UGGT2: variants seen among roughly 807,000 people sequenced by gnomAD.
UGGT2 encodes UDP-glucose:glycoprotein glucosyltransferase 2.
A neutral mutation model predicts 192.1 loss-of-function variants in UGGT2; 180 were observed. That is an observed-to-expected ratio of 0.94 (90% CI 0.83 to 1.06). The LOEUF (loss-of-function observed/expected upper bound fraction) is 1.06, where lower values mean the gene tolerates loss of function less well. UGGT2 is among the 50% of genes least tolerant of loss of function. The pLI, the probability that UGGT2 is intolerant of heterozygous loss-of-function variation, is 0.00. For missense variants in UGGT2, 1,849 were observed against 1,795.7 expected, an observed-to-expected ratio of 1.03 and a Z score of -0.54; for synonymous variants, 580 against 591.0, an observed-to-expected ratio of 0.98 and a Z score of 0.27.
At chr13:95,850,594 C>A (rs187815112) in intron 36 of UGGT2, among the ~76,000 whole-genome samples, 22 of 152,304 alleles carry the variant, frequency 1.4e-4, no homozygotes, top group Admixed American at 9.2e-4. Flanking sequence ...AGACTGTGTA[C>A]GGGCCCAACA....
rs148389354 is a variant in UGGT2 at position 95,909,747 on chromosome 13, T to TATAATAATA, written c.2296-6696_2296-6688dup. Among the ~76,000 whole-genome samples, 516 of 109,324 alleles carry TATAATAATA rather than the reference T, an allele frequency of 4.7e-3. 1 individual carries two copies. The highest frequency in any genetic ancestry group is 7.9e-3 in the African/African-American group (216 of 27,254). The allele number at this position is 109,324 out of a possible 152,430, so 71.7% of individuals were successfully genotyped here. ...TGCACATGTACCCTAAAACTTGAAG[T>TATAATAATA]ATAATAATAATAATAATAATAATAA... is the stretch of plus-strand genomic sequence containing the variant. On this transcript the variant is annotated intron_variant, in intron 20 of 38. Transcript: ENST00000376747.
At chr13:96,042,121 T>G (rs1480184491) in intron 1 of UGGT2, among the ~76,000 whole-genome samples, 1 of 152,082 alleles carries the variant, frequency 6.6e-6, no homozygotes, top group Non-Finnish European at 1.5e-5. Flanking sequence ...AGAGTCCATT[T>G]CACCCCCCTG....
At chr13:95,985,491 T>C (rs2051262002) in intron 9 of UGGT2, among the ~76,000 whole-genome samples, 1 of 152,154 alleles carries the variant, frequency 6.6e-6, no homozygotes. Flanking sequence ...ATGTACAAAA[T>C]AGTGTTTGGG....
chr13:95,972,764 G>T, intron 10 of UGGT2, 93 bp from the exon 11 acceptor site: 2 of 962,658 alleles, frequency 2.1e-6, no homozygotes, highest in Non-Finnish European at 3.1e-6. Flanking sequence ...GAGTCAGAGA[G>T]TAAATATTTT....
At chr13:95,989,457 C>A in intron 8 of UGGT2, 1 of 230,200 alleles carries the variant, frequency 4.3e-6, no homozygotes, top group East Asian at 1.3e-4. Flanking sequence ...AAAGTTCAAA[C>A]CAAATCAAAT....
intron 21 of UGGT2, among the ~76,000 whole-genome samples, chr13:95,902,583 C>T (rs1289709761): frequency 6.6e-6 from 1 of 151,938 alleles, no homozygotes; most frequent in Non-Finnish European, 1.5e-5. Flanking sequence ...CTTTAACCCC[C>T]AATTCTTCAC....
In UGGT2 at chr13:96,012,812, A is replaced by G. The variant is rs896899254; in HGVS notation, c.660+495T>C. ...TAAATAAACTTGAGGAGATACAGTA[A>G]TAAGTGCTATGAAATCATTAAAACA... is the stretch of plus-strand genomic sequence containing the variant. On this transcript the variant is annotated intron_variant, in intron 5 of 38. Transcript: ENST00000376747. Among the ~76,000 whole-genome samples the G allele has an allele frequency of 2.6e-5, 4 of 151,992 alleles. No homozygotes were observed. The South Asian group carries it at 6.2e-4, about 24-fold the overall frequency.
intron 36 of UGGT2, among the ~76,000 whole-genome samples, chr13:95,843,295 C>A (rs1455405638): frequency 1.3e-5 from 2 of 152,154 alleles, no homozygotes; most frequent in African/African-American, 4.8e-5. Context: ...TATGGTCAGT[C>A]TTTTTAATGT....
At chr13:95,931,752 C>T (rs1263534104) in intron 17 of UGGT2, among the ~76,000 whole-genome samples, 5 of 152,258 alleles carry the variant, frequency 3.3e-5, no homozygotes, top group Admixed American at 6.5e-5. Flanking sequence ...GCTGAGCCCA[C>T]GCCCACCCGG....
chr13:95,837,199 G>T lies in UGGT2; in HGVS notation c.4288C>A (p.Leu1430Ile). 1 of 1,606,130 alleles carries T rather than the reference G, an allele frequency of 6.2e-7. No homozygotes were observed. Among genetic ancestry groups the T allele is most frequent in the South Asian group, 1.1e-5 (1 of 90,890 alleles). ...PNSLSNLDQDLPNNMIYQVAI... is the reference protein window; with the variant it reads ...PNSLSNLDQDIPNNMIYQVAI... ...ACTTGGTAAATCATATTATTGGGGA[G>T]ATCCTACAGAAAATTGTGATTTAAT... The change falls in exon 37 of 39, where the codon CTC becomes ATC. Residue 1430 changes from leucine (L) to isoleucine (I), a missense_variant. Leu to Ile is a conservative substitution (Grantham distance 5, BLOSUM62 2). Transcript: ENST00000376747.
chr13:95,983,745 A>C (rs2051201962), intron 10 of UGGT2, 59 bp downstream of exon 10: 2 of 1,267,294 alleles, frequency 1.6e-6, no homozygotes, highest in Non-Finnish European at 2.2e-6. Flanking sequence ...TTGAAGATCC[A>C]AAGTCAGAAA....
At chr13:95,975,922 G>A (rs1246045056) in intron 10 of UGGT2, among the ~76,000 whole-genome samples, 2 of 152,048 alleles carry the variant, frequency 1.3e-5, no homozygotes, top group Non-Finnish European at 2.9e-5. Context: ...CAGGGTAATT[G>A]GGATATCCAT....
intron 24 of UGGT2, among the ~76,000 whole-genome samples, chr13:95,893,806 G>C (rs2047871174): frequency 6.6e-6 from 1 of 152,142 alleles, no homozygotes; most frequent in Admixed American, 6.5e-5. Flanking sequence ...CACTCTCATA[G>C]AGAATATGGG....
At position 95,927,439 on chromosome 13, in the gene UGGT2, C is replaced by T. The variant is rs1490733321; in HGVS notation, c.1978-103G>A. The T allele has an allele frequency of 6.5e-6, 6 of 922,156 alleles. No individual in the cohort carries two copies. The South Asian group carries it at 1.2e-4, about 19-fold the overall frequency. The allele number at this position is 922,156 out of a possible 1,614,324, so 57.1% of individuals were successfully genotyped here. On this transcript the variant is annotated intron_variant, in intron 17 of 38. Coordinates refer to ENST00000376747, the MANE Select transcript of UGGT2 (RefSeq NM_020121.4). ...GATTACTTAATCAAAAATAAATAAG[C>T]AATTTAGAATTATTACAATACATTT...
intron 12 of UGGT2, among the ~76,000 whole-genome samples, chr13:95,967,156 CTTT>C (rs35913234): frequency 3.6e-5 from 5 of 140,160 alleles, no homozygotes; most frequent in Admixed American, 7.2e-5. Context: ...CAGGCATAAC[CTTT>C]TTTTTTTTTT....
intron 34 of UGGT2, 121 bp downstream of exon 34, chr13:95,856,037 A>G (rs1313194165): frequency 2.5e-6 from 2 of 807,554 alleles, no homozygotes; most frequent in East Asian, 3.0e-5. Context: ...ATATATCACA[A>G]TCGTATCTTA....
intron 36 of UGGT2, among the ~76,000 whole-genome samples, chr13:95,839,732 A>T (rs926505998): frequency 6.6e-6 from 1 of 152,178 alleles, no homozygotes; most frequent in Non-Finnish European, 1.5e-5. Flanking sequence ...AACTTGGTAC[A>T]CTATTCTACA....
chr13:95,865,335 C>T (rs1238052235), intron 30 of UGGT2, among the ~76,000 whole-genome samples: 3 of 152,106 alleles, frequency 2.0e-5, no homozygotes, highest in South Asian at 2.1e-4. Flanking sequence ...GGAGATAAAA[C>T]TGTGTTATTA....
chr13:95,860,192 AACT>A (rs1890026242), intron 32 of UGGT2, among the ~76,000 whole-genome samples: 1 of 151,892 alleles, frequency 6.6e-6, no homozygotes, highest in Non-Finnish European at 1.5e-5. Flanking sequence ...TTTCTATATA[AACT>A]GTTTAAAAAT....
Sources: gnomAD v4.1 joint callset for allele counts (sites outside exome capture counted in the v4.1 genomes callset) on GRCh38, gnomAD v4.1.1 for gene constraint, MANE v1.5 for transcripts, NCBI Gene and HGNC (gene_info 2026-07-23, HGNC 2026-07-21) for gene names.